The following ACADSB variants were observed in gnomAD, a reference collection of about 807,000 sequenced individuals.
ACADSB encodes short/branched chain specific acyl-CoA dehydrogenase, mitochondrial.
Under a neutral mutation model 54.1 loss-of-function variants are expected in ACADSB, and 40 were observed. That is an observed-to-expected ratio of 0.74 (90% confidence interval 0.57 to 0.96). ACADSB has a LOEUF of 0.96. Ranked by LOEUF, ACADSB falls within the 40% of genes least tolerant of loss-of-function variation. The pLI is 0.00. For missense variants in ACADSB, 530 were observed against 510.4 expected, an observed-to-expected ratio of 1.04 and a Z score of -0.37; for synonymous variants, 182 against 182.8, an observed-to-expected ratio of 1.00 and a Z score of 0.03.
At chr10:123,026,637 A>G (rs552023267) in intron 1 of ACADSB, among the ~76,000 whole-genome samples, 1 of 152,266 alleles carries the variant, frequency 6.6e-6, no homozygotes, top group South Asian at 2.1e-4. Context: ...TACACAGTGG[A>G]CTATTTTGCA....
intron 2 of ACADSB, 105 bp downstream of exon 2, chr10:123,034,620 C>A: frequency 8.2e-7 from 1 of 1,218,602 alleles, no homozygotes; most frequent in Non-Finnish European, 1.2e-6. Context: ...CTCAAGCTAT[C>A]CTGCTTCAGC....
chr10:123,056,282 CA>C lies in ACADSB; in HGVS notation c.*2518del. 1 of 227,848 alleles carries C rather than the reference CA, an allele frequency of 4.4e-6. No individual in the cohort carries two copies. Among genetic ancestry groups the C allele is most frequent in the Non-Finnish European group, 8.5e-6 (1 of 118,114 alleles). The allele number at this position is 227,848 out of a possible 1,614,324, so 14.1% of individuals were successfully genotyped here. A position where few individuals can be genotyped will look rare whatever the true frequency, so the allele number is the denominator to read the frequency against. The stretch of plus-strand genomic sequence containing the variant: ...CAGTTCCACATGGCCGGGGAGGCCT[CA>C]GAATCATGGCGGGAGGTGAAAAGCA... On this transcript the variant is annotated 3_prime_UTR_variant, in exon 11 of 11. Transcript: ENST00000358776.
chr10:123,051,188 T>TGA lies in ACADSB; in HGVS notation c.1128+2_1128+3insGA. The TGA allele has an allele frequency of 9.8e-7, 1 of 1,015,738 alleles. No individual in the cohort carries two copies. The highest frequency in any genetic ancestry group is 1.2e-6 in the Non-Finnish European group (1 of 824,600). The allele number at this position is 1,015,738 out of a possible 1,614,324, so 62.9% of individuals were successfully genotyped here. A position where few individuals can be genotyped will look rare whatever the true frequency, so the allele number is the denominator to read the frequency against. On this transcript the variant is annotated splice_region_variant and intron_variant, in intron 9 of 10. Transcript: ENST00000358776. ...ATGGCCAAATACTATGCATCAGAGGTAAAAAAAAAAAAAAAAAAAAAAAAG... is the reference window on the plus strand; with the variant it reads ...ATGGCCAAATACTATGCATCAGAGGTGAAAAAAAAAAAAAAAAAAAAAAAAAG...
chr10:123,041,966 C>CTTTTT (rs373340179), intron 5 of ACADSB, among the ~76,000 whole-genome samples: 1 of 132,696 alleles, frequency 7.5e-6, no homozygotes, highest in Non-Finnish European at 1.6e-5. Context: ...TTTTTCTTTT[C>CTTTTT]TTTTTTTTTT....
intron 4 of ACADSB, 152 bp from the exon 5 acceptor site, chr10:123,041,057 C>A: frequency 1.1e-6 from 1 of 881,164 alleles, no homozygotes; most frequent in South Asian, 1.7e-5. Context: ...GAAAATAATA[C>A]TTTCAGAATA....
At chr10:123,053,486 TA>T (rs1411914319) in intron 10 of ACADSB, among the ~76,000 whole-genome samples, 5 of 152,210 alleles carry the variant, frequency 3.3e-5, no homozygotes, top group African/African-American at 1.2e-4. Flanking sequence ...TTAGTCAGTT[TA>T]ATACTGATCC....
At position 123,040,569 on chromosome 10, in the gene ACADSB, C is replaced by T; in HGVS notation, c.407C>T (p.Ala136Val). Residue 136 changes from alanine to valine, a missense_variant, in exon 4 of 11, where the codon GCT becomes GTT. Ala to Val is a moderately conservative substitution (Grantham distance 64). Transcript: ENST00000358776. ...EELAKVDASV[A>V]VFCEIQNTLI... is the part of the protein sequence containing the mutation. ...TTAGCCAAAGTTGATGCATCTGTGGCTGTCTTTTGTGAGATCCAGAACACA... is the reference window on the plus strand; with the variant it reads ...TTAGCCAAAGTTGATGCATCTGTGGTTGTCTTTTGTGAGATCCAGAACACA... 4 of 1,613,958 alleles carry T rather than the reference C, an allele frequency of 2.5e-6. No homozygotes were observed. The South Asian group carries it at 4.4e-5, about 18-fold the overall frequency.
chr10:123,025,049 G>A (rs546609615), intron 1 of ACADSB, among the ~76,000 whole-genome samples: 1 of 151,494 alleles, frequency 6.6e-6, no homozygotes, highest in East Asian at 2.0e-4. Context: ...TGAGCAGTGG[G>A]CGTGCCACTG....
At chr10:123,047,140 A>G in intron 7 of ACADSB, 69 bp from the exon 8 acceptor site, 6 of 1,260,980 alleles carry the variant, frequency 4.8e-6, no homozygotes, top group Non-Finnish European at 5.7e-6. Context: ...TTTAGAGGGA[A>G]TTCACAACTT....
At position 123,044,302 on chromosome 10, in the gene ACADSB, G is replaced by A. The variant is rs188565204; in HGVS notation, c.808-91G>A. 240 of 1,131,902 alleles carry A rather than the reference G, an allele frequency of 2.1e-4. 2 individuals carry two copies. Among genetic ancestry groups the A allele is most frequent in the Middle Eastern group, 1.9e-3 (9 of 4,824 alleles). The allele number at this position is 1,131,902 out of a possible 1,614,324, so 70.1% of individuals were successfully genotyped here. Reference sequence around the variant, plus strand: ...AAGTTCTGTGAGAGGGCTAGCACACGAATTGAGAGTCTATGTGTACTTACA... The same window carrying A: ...AAGTTCTGTGAGAGGGCTAGCACACAAATTGAGAGTCTATGTGTACTTACA... On this transcript the variant is annotated intron_variant, in intron 6 of 10. Coordinates refer to ENST00000358776, the MANE Select transcript of ACADSB (RefSeq NM_001609.4).
At position 123,051,230 on chromosome 10, in the gene ACADSB, C is replaced by CTT. The variant is rs3833736; in HGVS notation, c.1128+53_1128+54dup. ...AAAAAAAAGGAAAAAGTAATTCAGCCTTTTTTTTTTCAGATATATACTTAT... is the reference window on the plus strand; with the variant it reads ...AAAAAAAAGGAAAAAGTAATTCAGCCTTTTTTTTTTTTCAGATATATACTTAT... On this transcript the variant is annotated intron_variant, in intron 9 of 10. Coordinates refer to ENST00000358776, the MANE Select transcript of ACADSB (RefSeq NM_001609.4). 202,215 of 936,470 alleles carry CTT rather than the reference C, an allele frequency of 0.22. 6,543 individuals are homozygous for CTT. The highest frequency in any genetic ancestry group is 0.23 in the Non-Finnish European group (161,470 of 713,806). 58.0% of individuals were successfully genotyped at this position (936,470 alleles called of 1,614,324 possible). A position where few individuals can be genotyped will look rare whatever the true frequency, so the allele number is the denominator to read the frequency against.
rs532330696 is a variant in ACADSB at position 123,052,899 on chromosome 10, T to C, written c.1129-162T>C. On this transcript the variant is annotated intron_variant, in intron 9 of 10. Transcript: ENST00000358776. This position sits in a 1 kb window ranked among gnomAD's most constrained non-coding sequence, Gnocchi z 4.2. The stretch of plus-strand genomic sequence containing the variant: ...TTAATAGGATGTTTTACAGAAATGG[T>C]ATGGAGAATGGGACTGAAGAGACAA... 1.3e-5 allele frequency: 9 copies of C among 680,618 alleles called. No individual in the cohort carries two copies. The highest frequency in any genetic ancestry group is 9.2e-5 in the South Asian group (6 of 64,996). The allele number at this position is 680,618 out of a possible 1,614,324, so 42.2% of individuals were successfully genotyped here.
chr10:123,018,374 C>T (rs1045594393), intron 1 of ACADSB, among the ~76,000 whole-genome samples: 1 of 152,102 alleles, frequency 6.6e-6, no homozygotes, highest in Non-Finnish European at 1.5e-5. Context: ...GCTTATTTAA[C>T]CCTCTTTTGA....
chr10:123,023,481 TACAC>T (rs200074907), intron 1 of ACADSB, among the ~76,000 whole-genome samples: 2 of 151,652 alleles, frequency 1.3e-5, no homozygotes, highest in Non-Finnish European at 2.9e-5. Context: ...TAGACAGGTA[TACAC>T]ACACACACAC....
chr10:123,020,000 A>C (rs550021461), intron 1 of ACADSB, among the ~76,000 whole-genome samples: 1 of 152,312 alleles, frequency 6.6e-6, no homozygotes, highest in East Asian at 1.9e-4. Flanking sequence ...TGAGGGAAGG[A>C]AAAAAATTTT....
At chr10:123,028,459 G>A (rs974951155) in intron 1 of ACADSB, among the ~76,000 whole-genome samples, 3 of 152,140 alleles carry the variant, frequency 2.0e-5, no homozygotes, top group African/African-American at 7.2e-5. Flanking sequence ...GAGGCCCAGA[G>A]TTTGAAACTA....
chr10:123,018,651 T>C (rs958715300), intron 1 of ACADSB, among the ~76,000 whole-genome samples: 6 of 152,132 alleles, frequency 3.9e-5, no homozygotes, highest in African/African-American at 1.4e-4. Context: ...CAAGACTGGG[T>C]AATTTATAAA....
rs1296763865 is a variant in ACADSB at position 123,053,855 on chromosome 10, A to G, written c.*90A>G. The G allele has an allele frequency of 1.7e-6, 2 of 1,150,546 alleles. No homozygotes were observed. Among genetic ancestry groups the G allele is most frequent in the Non-Finnish European group, 2.6e-6 (2 of 761,086 alleles). The allele number at this position is 1,150,546 out of a possible 1,614,324, so 71.3% of individuals were successfully genotyped here. ...TTGGGAGTAAGTGCCTTGCGTGGGA[A>G]TAAACTTCCACAGCATTCGAATATT... On this transcript the variant is annotated 3_prime_UTR_variant, in exon 11 of 11. Transcript: ENST00000358776.
intron 1 of ACADSB, among the ~76,000 whole-genome samples, chr10:123,025,535 A>G (rs981740067): frequency 2.0e-5 from 3 of 152,192 alleles, no homozygotes; most frequent in Admixed American, 2.0e-4. Flanking sequence ...CTATAAGCGA[A>G]GTCAAAAGAC....
Sources: gnomAD v4.1 joint callset for allele counts (sites outside exome capture counted in the v4.1 genomes callset) on GRCh38, gnomAD v4.1.1 for gene constraint, Gnocchi (gnomAD v3.1) non-coding constraint, MANE v1.5 for transcripts, NCBI Gene and HGNC (gene_info 2026-07-23, HGNC 2026-07-21) for gene names.